A4GALT: variants seen among roughly 807,000 people sequenced by gnomAD.
A4GALT encodes the protein alpha 1,4-galactosyltransferase (P1PK blood group).
For synonymous variants in A4GALT, 257 were observed against 220.7 expected, an observed-to-expected ratio of 1.16 and a Z score of -1.46; for missense variants, 512 against 486.0, an observed-to-expected ratio of 1.05 and a Z score of -0.50.
At chr22:42,698,991 C>A (rs934884914) in intron 1 of A4GALT, among the ~76,000 whole-genome samples, 3 of 152,148 alleles carry the variant, frequency 2.0e-5, no homozygotes, top group Admixed American at 2.0e-4. Context: ...CATGAATAAT[C>A]CACCCCTTGT....
rs1190049148 is a variant in A4GALT, at chr22:42,705,607, A to AAAAAAG, written c.-187-9982_-187-9977dup. ...GACAGAGATTCTGTCTCAAAAAAAA[A>AAAAAAG]AAAAAGAAAAAGAAAAAGAAAAAGA... On this transcript the variant is annotated intron_variant, in intron 1 of 2. Coordinates refer to ENST00000642412, the MANE Select transcript of A4GALT (RefSeq NM_017436.7). Among the ~76,000 whole-genome samples, 2 of 124,320 alleles carry AAAAAAG rather than the reference A, an allele frequency of 1.6e-5. 1 individual carries two copies. Among genetic ancestry groups the AAAAAAG allele is most frequent in the Non-Finnish European group, 3.7e-5 (2 of 53,414 alleles). 81.6% of individuals were successfully genotyped at this position (124,320 alleles called of 152,430 possible). A position where few individuals can be genotyped will look rare whatever the true frequency, so the allele number is the denominator to read the frequency against.
At chr22:42,694,048 C>A in intron 2 of A4GALT, 51 bp from the exon 3 acceptor site, 1 of 1,159,812 alleles carries the variant, frequency 8.6e-7, no homozygotes, top group Admixed American at 2.0e-5. Flanking sequence ...ATTCCCGATC[C>A]ACAAGGAAAA....
At chr22:42,711,428 C>A (rs1921684802) in intron 1 of A4GALT, among the ~76,000 whole-genome samples, 1 of 152,188 alleles carries the variant, frequency 6.6e-6, no homozygotes. Context: ...AGATGAATGA[C>A]ATTTGCACAA....
At chr22:42,702,701 C>T (rs1310508369) in intron 1 of A4GALT, among the ~76,000 whole-genome samples, 1 of 115,250 alleles carries the variant, frequency 8.7e-6, no homozygotes, top group East Asian at 1.9e-4. Context: ...CACCTGGACT[C>T]ACTGGAACTG....
intron 1 of A4GALT, among the ~76,000 whole-genome samples, chr22:42,702,577 T>C (rs1401085460): frequency 6.6e-6 from 1 of 152,206 alleles, no homozygotes; most frequent in Non-Finnish European, 1.5e-5. Flanking sequence ...CCTCGGGTGA[T>C]CCGCCCACCT....
intron 1 of A4GALT, among the ~76,000 whole-genome samples, chr22:42,700,756 G>A (rs1931245095): frequency 6.6e-6 from 1 of 152,238 alleles, no homozygotes; most frequent in Non-Finnish European, 1.5e-5. Context: ...TTGGAGGGAT[G>A]GAGGGAGGCA....
intron 1 of A4GALT, among the ~76,000 whole-genome samples, chr22:42,718,758 A>G (rs1349263374): frequency 6.6e-6 from 1 of 152,118 alleles, no homozygotes; most frequent in Non-Finnish European, 1.5e-5. Flanking sequence ...TCCCTCCAGG[A>G]GCTTCCAATC....
In A4GALT at chr22:42,700,543, A is replaced by T. The variant is rs145444419; in HGVS notation, c.-187-4912T>A. Among the ~76,000 whole-genome samples the T allele has an allele frequency of 6.5e-3, 986 of 152,274 alleles. 14 individuals are homozygous for T. The highest frequency in any genetic ancestry group is 6.2e-3 in the Non-Finnish European group (421 of 68,012). On this transcript the variant is annotated intron_variant, in intron 1 of 2. Coordinates refer to ENST00000642412, the MANE Select transcript of A4GALT (RefSeq NM_017436.7). ...GGCTTCCAAGCCTCTCCAGATAAGG[A>T]GCTGGCCCCTGTGCGTGGCCAGGCT...
chr22:42,692,459 T>G lies in A4GALT; in HGVS notation c.*431A>C. 2 of 328,112 alleles carry G rather than the reference T, an allele frequency of 6.1e-6. No homozygotes were observed. The highest frequency in any genetic ancestry group is 1.2e-5 in the Non-Finnish European group (2 of 165,154). The allele number at this position is 328,112 out of a possible 1,614,324, so 20.3% of individuals were successfully genotyped here. On this transcript the variant is annotated 3_prime_UTR_variant, in exon 3 of 3. Transcript: ENST00000642412. This position sits in a 1 kb window ranked among gnomAD's most constrained non-coding sequence, Gnocchi z 4.6. ...TCCGCCCCGGACCCTTGGGGCTGGGTCTCCCCCAGCCCTGCCACTTTCCTA... is the reference window on the plus strand; with the variant it reads ...TCCGCCCCGGACCCTTGGGGCTGGGGCTCCCCCAGCCCTGCCACTTTCCTA...
intron 1 of A4GALT, among the ~76,000 whole-genome samples, chr22:42,711,332 G>T (rs990500790): frequency 1.8e-4 from 27 of 152,168 alleles, no homozygotes; most frequent in African/African-American, 6.3e-4. Flanking sequence ...GAGCAAACAG[G>T]CATGCTCATA....
rs1930535995 is a variant in A4GALT, at chr22:42,692,768, A to AGG, written c.*121_*122insCC. ...GGGCCTGCTCCCACAGCTCCTCAACAGCCTGCCTAAGCCCGGTGGCAGCTC... is the reference window on the plus strand; with the variant it reads ...GGGCCTGCTCCCACAGCTCCTCAACAGGGCCTGCCTAAGCCCGGTGGCAGCTC... On this transcript the variant is annotated 3_prime_UTR_variant, in exon 3 of 3. Transcript: ENST00000642412. The surrounding 1 kb of genome is among the most constrained non-coding windows in gnomAD (Gnocchi z 4.6). 10 of 1,176,440 alleles carry AGG rather than the reference A, an allele frequency of 8.5e-6. No individual in the cohort carries two copies. The African/African-American group carries it at 1.5e-4, about 18-fold the overall frequency. 72.9% of individuals were successfully genotyped at this position (1,176,440 alleles called of 1,614,324 possible).
rs943785049 is a variant in A4GALT at position 42,706,081 on chromosome 22, T to C, written c.-187-10450A>G. The stretch of plus-strand genomic sequence containing the variant: ...AAAAAAAAAAAAAAAGTTGGCCGGG[T>C]GCGGTGGCTCACGCCTGTAATCTCA... On this transcript the variant is annotated intron_variant, in intron 1 of 2. Coordinates refer to ENST00000642412, the MANE Select transcript of A4GALT (RefSeq NM_017436.7). 2.8e-3 allele frequency among the ~76,000 whole-genome samples: 265 copies of C among 96,248 alleles called. 50 individuals are homozygous for C. Among genetic ancestry groups the C allele is most frequent in the East Asian group, 0.025 (95 of 3,806 alleles). The allele number at this position is 96,248 out of a possible 152,430, so 63.1% of individuals were successfully genotyped here. A position where few individuals can be genotyped will look rare whatever the true frequency, so the allele number is the denominator to read the frequency against.
intron 1 of A4GALT, among the ~76,000 whole-genome samples, chr22:42,706,354 CAAAAAAA>C (rs1164664187): frequency 2.4e-5 from 2 of 83,820 alleles, no homozygotes; most frequent in Non-Finnish European, 4.4e-5. Flanking sequence ...GACTCCATCC[CAAAAAAA>C]AAAAAAAAAA....
chr22:42,704,312 C>G (rs1185944546), intron 1 of A4GALT, among the ~76,000 whole-genome samples: 1 of 151,892 alleles, frequency 6.6e-6, no homozygotes, highest in Admixed American at 6.6e-5. Context: ...GAAACCCCAT[C>G]TCTACTAAAA....
At position 42,692,868 on chromosome 22, in the gene A4GALT, G is replaced by T; in HGVS notation, c.*22C>A. The T allele has an allele frequency of 6.3e-7, 1 of 1,598,718 alleles. No individual in the cohort carries two copies. Among genetic ancestry groups the T allele is most frequent in the South Asian group, 1.1e-5 (1 of 90,994 alleles). Reference sequence around the variant, plus strand: ...CCAGTGCCCCATCAGGAGCAGGTTGGGGAGGTGACCTGGCGGGCCCCTCAC... The same window carrying T: ...CCAGTGCCCCATCAGGAGCAGGTTGTGGAGGTGACCTGGCGGGCCCCTCAC... On this transcript the variant is annotated 3_prime_UTR_variant, in exon 3 of 3. Transcript: ENST00000642412. This position sits in a 1 kb window ranked among gnomAD's most constrained non-coding sequence, Gnocchi z 4.6.
chr22:42,714,869 T>C (rs1361784839), intron 1 of A4GALT, among the ~76,000 whole-genome samples: 1 of 150,922 alleles, frequency 6.6e-6, no homozygotes, highest in Non-Finnish European at 1.5e-5. Flanking sequence ...CTACATACAG[T>C]TGGGTTAGGG....
At position 42,696,218 on chromosome 22, in the gene A4GALT, C is replaced by T. The variant is rs369778415; in HGVS notation, c.-187-587G>A. 1.2e-3 allele frequency among the ~76,000 whole-genome samples: 183 copies of T among 150,098 alleles called. 1 individual carries two copies. Among genetic ancestry groups the T allele is most frequent in the African/African-American group, 4.3e-3 (176 of 40,806 alleles). ...GGCAGATCACTTGAGGTCGGGAATT[C>T]GAGAACAGCCTGACCAACATGGAGA... On this transcript the variant is annotated intron_variant, in intron 1 of 2. Coordinates refer to ENST00000642412, the MANE Select transcript of A4GALT (RefSeq NM_017436.7).
chr22:42,716,962 C>T (rs886534087), intron 1 of A4GALT, among the ~76,000 whole-genome samples: 6 of 152,204 alleles, frequency 3.9e-5, no homozygotes, highest in African/African-American at 1.2e-4. Context: ...CCCTGTCTGC[C>T]AGCTGACTGC....
chr22:42,709,343 C>CAAAA lies in A4GALT; in HGVS notation c.-188+11453_-188+11454insTTTT, dbSNP rs368146424. On this transcript the variant is annotated intron_variant, in intron 1 of 2. Transcript: ENST00000642412. ...TACAGGCACGAGCCACTGTGCCAGGCCAAAAAAAAAAAAAAAAATTTAAGT... is the reference window on the plus strand; with the variant it reads ...TACAGGCACGAGCCACTGTGCCAGGCAAAACAAAAAAAAAAAAAAAAATTTAAGT... Among the ~76,000 whole-genome samples the CAAAA allele has an allele frequency of 8.8e-5, 9 of 102,432 alleles. 1 individual carries two copies. Among genetic ancestry groups the CAAAA allele is most frequent in the Non-Finnish European group, 1.5e-4 (8 of 52,010 alleles). 67.2% of individuals were successfully genotyped at this position (102,432 alleles called of 152,430 possible). A position where few individuals can be genotyped will look rare whatever the true frequency, so the allele number is the denominator to read the frequency against.
Sources: allele counts gnomAD v4.1 joint callset (sites outside exome capture counted in the v4.1 genomes callset), GRCh38; gene constraint gnomAD v4.1.1; non-coding constraint Gnocchi (gnomAD v3.1); transcripts MANE v1.5; gene names NCBI Gene and HGNC (gene_info 2026-07-23, HGNC 2026-07-21).